CTNND2: variants seen among roughly 807,000 people sequenced by gnomAD.
CTNND2 encodes catenin delta 2.
CTNND2 carries 22 observed loss-of-function variants against 144.4 expected under a neutral mutation model. That is an observed-to-expected ratio of 0.15 (90% CI 0.11 to 0.22). The LOEUF (loss-of-function observed/expected upper bound fraction) is 0.22, where lower values mean the gene tolerates loss of function less well. Ranked by LOEUF, CTNND2 falls within the 10% of genes least tolerant of loss-of-function variation. The pLI is 1.00. For missense variants in CTNND2, 1,353 were observed against 1,618.8 expected, an observed-to-expected ratio of 0.84 and a Z score of 2.82; for synonymous variants, 751 against 695.6, an observed-to-expected ratio of 1.08 and a Z score of -1.25.
At chr5:11,339,966 C>T (rs1305252989) in intron 9 of CTNND2, among the ~76,000 whole-genome samples, 3 of 152,198 alleles carry the variant, frequency 2.0e-5, no homozygotes, top group Non-Finnish European at 4.4e-5. Flanking sequence ...AACAAATCCA[C>T]ATATTGGAAG....
intron 3 of CTNND2, among the ~76,000 whole-genome samples, chr5:11,490,239 C>T (rs140797246): frequency 0.015 from 2,228 of 152,188 alleles, 66 homozygotes; most frequent in African/African-American, 0.051. Context: ...AAGCCAGACG[C>T]TGACAGTCAA....
chr5:11,692,524 G>C (rs779483691), intron 2 of CTNND2, among the ~76,000 whole-genome samples: 1 of 152,200 alleles, frequency 6.6e-6, no homozygotes, highest in South Asian at 2.1e-4. Flanking sequence ...CTGAGGATGT[G>C]GAATAGCTCA....
At chr5:11,845,414 G>C (rs1794686492) in intron 1 of CTNND2, among the ~76,000 whole-genome samples, 1 of 152,164 alleles carries the variant, frequency 6.6e-6, no homozygotes, top group African/African-American at 2.4e-5. Context: ...TTTGGAAACA[G>C]AGGCATCGCA....
chr5:11,126,750 C>T (rs1241280671), intron 12 of CTNND2, among the ~76,000 whole-genome samples: 1 of 152,190 alleles, frequency 6.6e-6, no homozygotes. Context: ...GAAAATTTTA[C>T]TCTTCATCTG....
chr5:11,492,881 G>GCCAA (rs1220365494), intron 3 of CTNND2, among the ~76,000 whole-genome samples: 1 of 151,996 alleles, frequency 6.6e-6, no homozygotes, highest in African/African-American at 2.4e-5. Context: ...GACCAGTATG[G>GCCAA]CCAACATGGT....
Position 11,364,829 on chromosome 5 carries a change from C to T in CTNND2, c.1239G>A (p.Leu413=). 2 of 1,613,852 alleles carry T rather than the reference C, an allele frequency of 1.2e-6. No individual in the cohort carries two copies. The highest frequency in any genetic ancestry group is 8.5e-7 in the Non-Finnish European group (1 of 1,179,890). Reference sequence around the variant, plus strand: ...GATCTATGTGGTGTTCTGGGGACTGCAGGGCCCGCAACTCTGGGCCCAGGT... The same window carrying T: ...GATCTATGTGGTGTTCTGGGGACTGTAGGGCCCGCAACTCTGGGCCCAGGT... The part of the protein sequence containing the change: ...HGHLGPELRA[L]QSPEHHIDPI... Residue 413 remains leucine (L), a synonymous_variant, in exon 8 of 22, where the codon CTG becomes CTA. Transcript: ENST00000304623.
chr5:11,433,242 T>C (rs772489792), intron 3 of CTNND2, among the ~76,000 whole-genome samples: 3 of 152,030 alleles, frequency 2.0e-5, no homozygotes, highest in Non-Finnish European at 4.4e-5. Context: ...CAAGACTCTG[T>C]CTCACACACA....
At chr5:11,508,563 C>T (rs990266492) in intron 3 of CTNND2, 1 of 151,920 alleles carries the variant, frequency 6.6e-6, no homozygotes, top group African/African-American at 2.4e-5. Context: ...TTTTAATATT[C>T]ATGTGAAGAT....
chr5:11,683,362 A>G (rs1395488951), intron 2 of CTNND2, among the ~76,000 whole-genome samples: 2 of 152,252 alleles, frequency 1.3e-5, no homozygotes, highest in Non-Finnish European at 2.9e-5. Flanking sequence ...CAGAAAATAA[A>G]TAGGCTTCAT....
At chr5:11,504,744 G>A (rs1395933270) in intron 3 of CTNND2, among the ~76,000 whole-genome samples, 3 of 152,172 alleles carry the variant, frequency 2.0e-5, no homozygotes, top group Non-Finnish European at 4.4e-5. Context: ...AGGCTCCACA[G>A]GGACCATCTG....
At chr5:11,582,401 A>G (rs1054472475) in intron 2 of CTNND2, among the ~76,000 whole-genome samples, 1 of 152,180 alleles carries the variant, frequency 6.6e-6, no homozygotes, top group Non-Finnish European at 1.5e-5. Flanking sequence ...GTTAGGAAAT[A>G]AACAAACCAA....
At chr5:11,810,968 G>C (rs1477340332) in intron 1 of CTNND2, among the ~76,000 whole-genome samples, 1 of 152,010 alleles carries the variant, frequency 6.6e-6, no homozygotes, top group Non-Finnish European at 1.5e-5. Flanking sequence ...TTTTACTGTA[G>C]TTTGTGCTAT....
chr5:11,585,966 G>A (rs1277729620), intron 2 of CTNND2, among the ~76,000 whole-genome samples: 2 of 152,174 alleles, frequency 1.3e-5, no homozygotes, highest in East Asian at 3.9e-4. Flanking sequence ...CAAAAAGTGA[G>A]AGGAGGAAAC....
chr5:11,564,739 C>G (rs1776939188), intron 3 of CTNND2, among the ~76,000 whole-genome samples: 1 of 152,192 alleles, frequency 6.6e-6, no homozygotes, highest in Non-Finnish European at 1.5e-5. Context: ...TCAGGGCAGG[C>G]ATTAATTTTG....
chr5:11,837,692 T>G (rs560423341), intron 1 of CTNND2, among the ~76,000 whole-genome samples: 7 of 150,208 alleles, frequency 4.7e-5, no homozygotes, highest in African/African-American at 1.8e-4. Context: ...TTGTTTGTTT[T>G]CTTTCTTTGT....
chr5:11,044,047 C>T (rs1287621514), intron 16 of CTNND2, among the ~76,000 whole-genome samples: 2 of 152,230 alleles, frequency 1.3e-5, no homozygotes, highest in South Asian at 2.1e-4. Flanking sequence ...CAGGCACAGG[C>T]CCTGCATCTT....
chr5:11,719,606 A>G (rs1786544921), intron 2 of CTNND2, among the ~76,000 whole-genome samples: 1 of 152,198 alleles, frequency 6.6e-6, no homozygotes, highest in African/African-American at 2.4e-5. Flanking sequence ...ATAATATGCA[A>G]TATTTATCCT....
chr5:11,425,351 A>C (rs1211685460), intron 3 of CTNND2, among the ~76,000 whole-genome samples: 1 of 152,174 alleles, frequency 6.6e-6, no homozygotes, highest in Non-Finnish European at 1.5e-5. Context: ...TCCTTGATTG[A>C]CTACATGTCT....
intron 2 of CTNND2, among the ~76,000 whole-genome samples, chr5:11,630,403 G>A (rs753649668): frequency 2.6e-5 from 4 of 152,176 alleles, no homozygotes; most frequent in Non-Finnish European, 5.9e-5. Flanking sequence ...AGCAAACACT[G>A]CAACCAGGGG....
Sources: gnomAD v4.1 joint callset for allele counts (sites outside exome capture counted in the v4.1 genomes callset) on GRCh38, gnomAD v4.1.1 for gene constraint, MANE v1.5 for transcripts, NCBI Gene and HGNC (gene_info 2026-07-23, HGNC 2026-07-21) for gene names.